HFM1: variants seen among roughly 807,000 people sequenced by gnomAD.
The protein encoded by HFM1 is helicase for meiosis 1.
In HFM1, 169 loss-of-function variants were observed where a neutral mutation model predicts 192.1. The observed-to-expected ratio is 0.88, with a 90% CI of 0.78 to 1.00. HFM1 has a LOEUF of 1.00. Ranked by LOEUF, HFM1 falls within the 50% of genes least tolerant of loss-of-function variation. HFM1 has a pLI of 0.00. For synonymous variants in HFM1, 525 were observed against 537.8 expected, an observed-to-expected ratio of 0.98 and a Z score of 0.33; for missense variants, 1,661 against 1,668.0, an observed-to-expected ratio of 1.00 and a Z score of 0.07.
chr1:91,328,382 T>C (rs1653252933), intron 20 of HFM1: 1 of 1,577,898 alleles, frequency 6.3e-7, no homozygotes, highest in South Asian at 1.2e-5. Flanking sequence ...TGTGTTGCCA[T>C]GGGTATTCAA....
Position 91,385,839 on chromosome 1 carries a change from A to G in HFM1, c.495-5T>C. ...TTGTCAGATATTTTAAATAATCTGC[A>G]AACAAAAAAAAGACCCACATATTTT... On this transcript the variant is annotated splice_region_variant and splice_polypyrimidine_tract_variant and intron_variant, in intron 4 of 38. Coordinates refer to ENST00000370425, the MANE Select transcript of HFM1 (RefSeq NM_001017975.6). 1 of 1,585,140 alleles carries G rather than the reference A, an allele frequency of 6.3e-7. No individual in the cohort carries two copies.
chr1:91,356,244 ATT>A (rs879462206), intron 13 of HFM1, among the ~76,000 whole-genome samples: 18 of 142,738 alleles, frequency 1.3e-4, no homozygotes, highest in Admixed American at 1.4e-4. Context: ...TCTAAGAGGA[ATT>A]TTTTTTTTTT....
chr1:91,341,119 C>T (rs1655269433), intron 20 of HFM1, among the ~76,000 whole-genome samples: 3 of 152,212 alleles, frequency 2.0e-5, no homozygotes, highest in Non-Finnish European at 4.4e-5. Context: ...AACACTCTAT[C>T]CAACAACAAC....
At chr1:91,330,385 A>G (rs778066522) in intron 20 of HFM1, among the ~76,000 whole-genome samples, 2 of 152,216 alleles carry the variant, frequency 1.3e-5, no homozygotes, top group Non-Finnish European at 2.9e-5. Context: ...CTACATGCCA[A>G]TATATTGGAA....
intron 13 of HFM1, among the ~76,000 whole-genome samples, chr1:91,370,759 A>T (rs1327386263): frequency 5.3e-5 from 8 of 152,074 alleles, no homozygotes; most frequent in African/African-American, 1.9e-4. Flanking sequence ...GGCAGGAGAA[A>T]GAAATAAAGG....
At chr1:91,305,828 A>G (rs988247581) in intron 30 of HFM1, among the ~76,000 whole-genome samples, 1 of 151,980 alleles carries the variant, frequency 6.6e-6, no homozygotes, top group Admixed American at 6.6e-5. Flanking sequence ...TCGGCCTCCC[A>G]AAGTTCTGGG....
intron 38 of HFM1, 186 bp from the exon 39 acceptor site, chr1:91,261,545 A>G: frequency 5.4e-6 from 2 of 367,422 alleles, no homozygotes; most frequent in Non-Finnish European, 9.9e-6. Flanking sequence ...TAGACTTCAT[A>G]AAATGCAAAT....
At chr1:91,400,711 T>C (rs1006293586) in intron 2 of HFM1, among the ~76,000 whole-genome samples, 1 of 152,176 alleles carries the variant, frequency 6.6e-6, no homozygotes, top group Non-Finnish European at 1.5e-5. Context: ...CTTGAACTCC[T>C]GATTTCAGGT....
intron 4 of HFM1, among the ~76,000 whole-genome samples, chr1:91,386,894 G>A (rs1662274908): frequency 6.6e-6 from 1 of 152,116 alleles, no homozygotes; most frequent in Non-Finnish European, 1.5e-5. Flanking sequence ...CCCCAAAAAG[G>A]AAAAGATATA....
intron 34 of HFM1, among the ~76,000 whole-genome samples, chr1:91,270,115 G>A (rs1411409468): frequency 1.3e-5 from 2 of 152,272 alleles, no homozygotes; most frequent in Admixed American, 6.5e-5. Flanking sequence ...GAAGGATAAT[G>A]AGACTGAAAG....
At chr1:91,344,595 A>C (rs72970319) in intron 19 of HFM1, among the ~76,000 whole-genome samples, 1,941 of 152,298 alleles carry the variant, frequency 0.013, 43 homozygotes, top group African/African-American at 0.044. Context: ...CAATTAACAT[A>C]CAAATAAATA....
At chr1:91,319,549 A>T (rs573336758) in intron 23 of HFM1, among the ~76,000 whole-genome samples, 159 bp from the exon 24 acceptor site, 124 of 152,312 alleles carry the variant, frequency 8.1e-4, no homozygotes, top group African/African-American at 2.9e-3. Flanking sequence ...CAGGTCAATA[A>T]TAAAAGTTCA....
intron 4 of HFM1, among the ~76,000 whole-genome samples, chr1:91,386,843 A>G (rs1662268324): frequency 1.3e-5 from 2 of 152,196 alleles, no homozygotes; most frequent in African/African-American, 4.8e-5. Flanking sequence ...GCTACCAGAT[A>G]AGACAGTTTT....
intron 19 of HFM1, among the ~76,000 whole-genome samples, chr1:91,344,719 T>TC: frequency 6.7e-6 from 1 of 150,226 alleles, no homozygotes. Flanking sequence ...CCTTTCTTTT[T>TC]CTTTCTTTTT....
At chr1:91,400,480 C>CTTTTTT (rs112090967) in intron 2 of HFM1, among the ~76,000 whole-genome samples, 1 of 139,062 alleles carries the variant, frequency 7.2e-6, no homozygotes, top group Non-Finnish European at 1.6e-5. Flanking sequence ...AGGCAAGAAT[C>CTTTTTT]TTTTTTTTTT....
intron 14 of HFM1, 42 bp from the exon 15 acceptor site, chr1:91,353,194 C>T: frequency 6.5e-7 from 1 of 1,548,192 alleles, no homozygotes; most frequent in South Asian, 1.1e-5. Context: ...AATATTTCAT[C>T]AATAATTGGC....
chr1:91,375,938 T>G (rs1004848620), intron 11 of HFM1, among the ~76,000 whole-genome samples: 1 of 151,932 alleles, frequency 6.6e-6, no homozygotes, highest in African/African-American at 2.4e-5. Flanking sequence ...TATACCCACT[T>G]TTCACCATGG....
intron 13 of HFM1, among the ~76,000 whole-genome samples, chr1:91,370,083 T>C (rs1017941157): frequency 2.0e-5 from 3 of 152,124 alleles, no homozygotes; most frequent in African/African-American, 4.8e-5. Context: ...GGCTCTAAAA[T>C]TGAGGCAATA....
At chr1:91,337,428 CAA>C (rs1184375811) in intron 20 of HFM1, among the ~76,000 whole-genome samples, 2 of 151,824 alleles carry the variant, frequency 1.3e-5, no homozygotes, top group African/African-American at 4.8e-5. Flanking sequence ...AAAATAAACT[CAA>C]AGAGACAAAA....
Sources: gnomAD v4.1 joint callset for allele counts (sites outside exome capture counted in the v4.1 genomes callset) on GRCh38, gnomAD v4.1.1 for gene constraint, MANE v1.5 for transcripts, NCBI Gene and HGNC (gene_info 2026-07-23, HGNC 2026-07-21) for gene names.